Variants in SSPN observed in about 807,000 individuals in gnomAD.
The protein encoded by SSPN is K-ras oncogene-associated protein.
In SSPN, 15 loss-of-function variants were observed where a neutral mutation model predicts 19.1. That is an observed-to-expected ratio of 0.78 (90% CI 0.52 to 1.21). The LOEUF (loss-of-function observed/expected upper bound fraction) is 1.21. SSPN is among the 50% of genes most tolerant of loss of function. The probability of loss-of-function intolerance (pLI) is 0.00; values close to 1 mark genes in which losing one functional copy is unlikely to be tolerated. For missense variants in SSPN, 291 were observed against 314.0 expected (o/e 0.93, Z 0.55); for synonymous variants, 147 against 140.3 (o/e 1.05, Z -0.34).
In SSPN at chr12:26,231,338, G is replaced by T. The variant is rs1945230560; in HGVS notation, c.*262G>T. On this transcript the variant is annotated 3_prime_UTR_variant, in exon 3 of 3. Coordinates refer to ENST00000242729, the MANE Select transcript of SSPN (RefSeq NM_005086.5). ...ACAGAACACTGAACAAGGAAAGAATGGCATAGATCTATCTTTACAGTCTGG... is the reference window on the plus strand; with the variant it reads ...ACAGAACACTGAACAAGGAAAGAATTGCATAGATCTATCTTTACAGTCTGG... 1 of 394,720 alleles carries T rather than the reference G, an allele frequency of 2.5e-6. No homozygotes were observed. Among genetic ancestry groups the T allele is most frequent in the East Asian group, 5.3e-5 (1 of 18,790 alleles). 24.5% of individuals were successfully genotyped at this position (394,720 alleles called of 1,614,324 possible). A position where few individuals can be genotyped will look rare whatever the true frequency, so the allele number is the denominator to read the frequency against.
Position 26,167,926 on chromosome 12 carries a change from A to C in SSPN, c.-31+45774A>C, listed in dbSNP as rs555981255. 4.9e-4 allele frequency among the ~76,000 whole-genome samples: 75 copies of C among 152,312 alleles called. No homozygotes were observed. The South Asian group carries it at 0.015, about 31-fold the overall frequency. Reference sequence around the variant, plus strand: ...GACATAGAAGGATGAAATTAATAACAAGGGCAGCTGGGCATGGTGGCTTAC... The same window carrying C: ...GACATAGAAGGATGAAATTAATAACCAGGGCAGCTGGGCATGGTGGCTTAC... On this transcript the variant is annotated intron_variant, in intron 1 of 2. Transcript: ENST00000538142.
chr12:26,122,387 C>A, intron 1 of SSPN: 1 of 1,247,842 alleles, frequency 8.0e-7, no homozygotes, highest in Non-Finnish European at 1.0e-6. Flanking sequence ...CCGCCGGGTA[C>A]AGATACTTCT....
chr12:26,231,057 G>T lies in SSPN; in HGVS notation c.713G>T (p.Gly238Val). ...ATATGCTCCCTCACGGCTTCCGAAG[G>T]CCCCCAGCAAAAGATCTAACATTCT... Reference protein sequence around the residue: ...VRICSLTASEGPQQKI With the variant: ...VRICSLTASEVPQQKI The change falls in exon 3 of 3, where the codon GGC becomes GTC. Residue 238 changes from glycine (G) to valine (V), a missense_variant. By Grantham distance (109) the Gly-to-Val change is moderately radical (BLOSUM62 -3). Coordinates refer to ENST00000242729, the MANE Select transcript of SSPN (RefSeq NM_005086.5). The T allele has an allele frequency of 6.2e-7, 1 of 1,613,056 alleles. No individual in the cohort carries two copies. The highest frequency in any genetic ancestry group is 1.1e-5 in the South Asian group (1 of 91,032).
chr12:26,192,265 G>A (rs57028352), upstream of SSPN, among the ~76,000 whole-genome samples: 6,584 of 152,222 alleles, frequency 0.043, 485 homozygotes, highest in African/African-American at 0.15. Flanking sequence ...AAGCAGCCAA[G>A]AGTATCCAAA....
intron 1 of SSPN, among the ~76,000 whole-genome samples, chr12:26,190,256 G>T (rs150280828): frequency 6.6e-6 from 1 of 152,300 alleles, no homozygotes; most frequent in African/African-American, 2.4e-5. Context: ...AGTGACTTCA[G>T]GGGCTGTACA....
chr12:26,230,029 AC>A (rs1369700445), intron 2 of SSPN, among the ~76,000 whole-genome samples: 1 of 151,430 alleles, frequency 6.6e-6, no homozygotes. Flanking sequence ...TGACTGAGGA[AC>A]CATTTAGAGT....
chr12:26,149,303 T>C (rs546997970), intron 1 of SSPN, among the ~76,000 whole-genome samples: 1 of 152,360 alleles, frequency 6.6e-6, no homozygotes, highest in South Asian at 2.1e-4. Flanking sequence ...TTTGTATACA[T>C]CTACAATTCC....
chr12:26,144,941 CTT>C (rs1248892766), intron 1 of SSPN, among the ~76,000 whole-genome samples: 1 of 152,208 alleles, frequency 6.6e-6, no homozygotes, highest in Non-Finnish European at 1.5e-5. Flanking sequence ...AAGTCAAACT[CTT>C]ATCACATCTA....
intron 1 of SSPN, among the ~76,000 whole-genome samples, chr12:26,158,904 G>A (rs2137422340): frequency 6.6e-6 from 1 of 152,380 alleles, no homozygotes. Context: ...AAGCTCAGAA[G>A]CACAGAGGAG....
chr12:26,202,240 G>C (rs931756993), intron 1 of SSPN, among the ~76,000 whole-genome samples: 1 of 152,118 alleles, frequency 6.6e-6, no homozygotes, highest in African/African-American at 2.4e-5. Flanking sequence ...ATCCGTGGTT[G>C]ATTATATTCA....
At chr12:26,124,108 C>G in intron 1 of SSPN, 1 of 1,612,878 alleles carries the variant, frequency 6.2e-7, no homozygotes, top group Non-Finnish European at 8.5e-7. Flanking sequence ...AATCTTTCAG[C>G]TGAGCAATGC....
At chr12:26,172,765 CTCTT>C (rs1317177293) in intron 1 of SSPN, among the ~76,000 whole-genome samples, 2 of 151,626 alleles carry the variant, frequency 1.3e-5, no homozygotes, top group African/African-American at 2.4e-5. Flanking sequence ...CACTTTCTCT[CTCTT>C]TTTTTTTTTT....
intron 1 of SSPN, among the ~76,000 whole-genome samples, chr12:26,222,652 C>A (rs918414998): frequency 3.9e-5 from 6 of 152,158 alleles, no homozygotes; most frequent in East Asian, 1.9e-4. Flanking sequence ...AAGTGTGGAA[C>A]TTTATCAATG....
At chr12:26,159,497 TG>T (rs1944575222) in intron 1 of SSPN, among the ~76,000 whole-genome samples, 1 of 152,136 alleles carries the variant, frequency 6.6e-6, no homozygotes. Context: ...ATCCCACAGG[TG>T]GGGCAGGTAG....
chr12:26,179,145 CT>C, intron 1 of SSPN, among the ~76,000 whole-genome samples: 1 of 152,196 alleles, frequency 6.6e-6, no homozygotes, highest in South Asian at 2.1e-4. Flanking sequence ...ACTACAAAGG[CT>C]GAGTGGAGGA....
intron 1 of SSPN, among the ~76,000 whole-genome samples, chr12:26,179,828 T>G (rs978399278): frequency 6.6e-6 from 1 of 151,790 alleles, no homozygotes; most frequent in South Asian, 2.1e-4. Context: ...CCCTCACATA[T>G]GTATACGGTG....
At position 26,195,715 on chromosome 12, in the gene SSPN, G is replaced by A; in HGVS notation, c.43G>A (p.Gly15Ser). The A allele has an allele frequency of 6.9e-7, 1 of 1,440,782 alleles. No homozygotes were observed. The highest frequency in any genetic ancestry group is 9.1e-7 in the Non-Finnish European group (1 of 1,103,280). 89.2% of individuals were successfully genotyped at this position (1,440,782 alleles called of 1,614,324 possible). A position where few individuals can be genotyped will look rare whatever the true frequency, so the allele number is the denominator to read the frequency against. ...GCCACGCGGCCAGCAGAGGCAGGGGGGCCCGCCGGCCGCGGACGCCGCTGG... is the reference window on the plus strand; with the variant it reads ...GCCACGCGGCCAGCAGAGGCAGGGGAGCCCGCCGGCCGCGGACGCCGCTGG... ...KQPRGQQRQG[G>S]PPAADAAGPD... The change falls in exon 1 of 3, where the codon GGC (glycine) becomes AGC (serine). Residue 15 changes from glycine (G) to serine (S), a missense_variant. Gly to Ser is a moderately conservative substitution (Grantham distance 56). This residue lies in a region of SSPN where 139 missense variants were observed against 119.6 expected (regional missense o/e 1.16). Coordinates refer to ENST00000242729, the MANE Select transcript of SSPN (RefSeq NM_005086.5).
intron 1 of SSPN, among the ~76,000 whole-genome samples, chr12:26,199,482 G>A (rs1944859434): frequency 6.6e-6 from 1 of 152,192 alleles, no homozygotes; most frequent in Non-Finnish European, 1.5e-5. Context: ...AGGGTTGTAA[G>A]TCATACCGCA....
At chr12:26,228,675 G>C (rs1389102415) in intron 2 of SSPN, among the ~76,000 whole-genome samples, 3 of 145,336 alleles carry the variant, frequency 2.1e-5, no homozygotes, top group African/African-American at 5.0e-5. Context: ...CACACACACA[G>C]AACATGGTCA....
Sources: allele counts gnomAD v4.1 joint callset (sites outside exome capture counted in the v4.1 genomes callset), GRCh38; gene constraint gnomAD v4.1.1; regional missense constraint gnomAD v4.1.1; transcripts MANE v1.5; gene names NCBI Gene and HGNC (gene_info 2026-07-23, HGNC 2026-07-21).